Variants in IMMP2L observed in about 807,000 individuals in gnomAD.
IMMP2L encodes mitochondrial inner membrane protease subunit 2.
In IMMP2L, 18 loss-of-function variants were observed where a neutral mutation model predicts 19.3. That is an observed-to-expected ratio of 0.93 (90% CI 0.64 to 1.38). The LOEUF is 1.38. Among genes scored for constraint, IMMP2L ranks in the 40% most tolerant of loss-of-function variants. The pLI, the probability that IMMP2L is intolerant of heterozygous loss-of-function variation, is 0.00. For missense variants in IMMP2L, 233 were observed against 218.2 expected, an observed-to-expected ratio of 1.07 and a Z score of -0.43; for synonymous variants, 76 against 73.0, an observed-to-expected ratio of 1.04 and a Z score of -0.21.
intron 3 of IMMP2L, among the ~76,000 whole-genome samples, chr7:111,462,234 C>A (rs1232042054): frequency 6.6e-6 from 1 of 151,988 alleles, no homozygotes; most frequent in Non-Finnish European, 1.5e-5. Flanking sequence ...TAAATAGTCT[C>A]CCAATTGGAT....
chr7:111,300,925 A>G (rs962989686), intron 3 of IMMP2L, among the ~76,000 whole-genome samples: 1 of 152,146 alleles, frequency 6.6e-6, no homozygotes, highest in Non-Finnish European at 1.5e-5. Flanking sequence ...TTGTTGGAAC[A>G]TAAGTTTTCA....
In IMMP2L at chr7:110,756,981, G is replaced by T. The variant is rs538030533; in HGVS notation, c.409-93260C>A. On this transcript the variant is annotated intron_variant, in intron 5 of 5. Coordinates refer to ENST00000405709, the MANE Select transcript of IMMP2L (RefSeq NM_032549.4). ...TTGTATGTATTTATACATATTTATT[G>T]TATTTACTATGTGCCAGGGAGTGTC... Among the ~76,000 whole-genome samples, 7 of 152,020 alleles carry T rather than the reference G, an allele frequency of 4.6e-5. No individual in the cohort carries two copies. In the South Asian group the frequency reaches 6.2e-4, roughly 14 times the overall value.
chr7:111,273,796 T>A (rs1300459922), intron 3 of IMMP2L, among the ~76,000 whole-genome samples: 1 of 152,130 alleles, frequency 6.6e-6, no homozygotes, highest in Non-Finnish European at 1.5e-5. Context: ...TAATTATGTT[T>A]GGCTGGAGCA....
At chr7:111,072,842 G>GCAGC (rs2129575523) in intron 3 of IMMP2L, among the ~76,000 whole-genome samples, 1 of 150,874 alleles carries the variant, frequency 6.6e-6, no homozygotes, top group African/African-American at 2.4e-5. Flanking sequence ...AGCGGAGCTT[G>GCAGC]CAGCGAGCCA....
At chr7:110,966,203 T>C (rs185884689) in intron 3 of IMMP2L, among the ~76,000 whole-genome samples, 81 of 152,130 alleles carry the variant, frequency 5.3e-4, no homozygotes, top group Non-Finnish European at 8.4e-4. Context: ...ACATCTGTAA[T>C]AGCAGAGAGA....
At chr7:111,100,139 A>T (rs1416994886) in intron 3 of IMMP2L, among the ~76,000 whole-genome samples, 1 of 151,514 alleles carries the variant, frequency 6.6e-6, no homozygotes, top group African/African-American at 2.4e-5. Flanking sequence ...TCTTTTTTTT[A>T]AATTTCAATA....
chr7:110,857,944 G>A (rs895722396), intron 5 of IMMP2L, among the ~76,000 whole-genome samples: 11 of 152,026 alleles, frequency 7.2e-5, no homozygotes, highest in South Asian at 2.1e-4. Context: ...ATATACATTC[G>A]CTTTTCTGAT....
At chr7:111,242,965 T>C (rs1394665136) in intron 3 of IMMP2L, among the ~76,000 whole-genome samples, 4 of 152,156 alleles carry the variant, frequency 2.6e-5, no homozygotes, top group Admixed American at 2.6e-4. Context: ...TAAGTTGTAT[T>C]TTACCAGGGA....
At chr7:111,241,894 A>G (rs1562961635) in intron 3 of IMMP2L, among the ~76,000 whole-genome samples, 1 of 152,024 alleles carries the variant, frequency 6.6e-6, no homozygotes, top group Non-Finnish European at 1.5e-5. Context: ...ATTTGCAGGT[A>G]TTGCTACGGT....
intron 5 of IMMP2L, among the ~76,000 whole-genome samples, chr7:110,786,526 C>T (rs1166423654): frequency 6.6e-6 from 1 of 151,968 alleles, no homozygotes; most frequent in Admixed American, 6.6e-5. Context: ...AGGAGATGGA[C>T]TGGCACTCAC....
At chr7:110,904,332 A>G (rs756903680) in intron 4 of IMMP2L, among the ~76,000 whole-genome samples, 4 of 152,096 alleles carry the variant, frequency 2.6e-5, no homozygotes, top group Non-Finnish European at 4.4e-5. Flanking sequence ...TGCCAAGACC[A>G]ATGTCATGAA....
At chr7:111,220,849 G>A (rs371235588) in intron 3 of IMMP2L, among the ~76,000 whole-genome samples, 2 of 151,902 alleles carry the variant, frequency 1.3e-5, no homozygotes, top group African/African-American at 4.8e-5. Context: ...CAGGGGAACC[G>A]AGGGCAAGAG....
At chr7:111,102,118 C>A (rs1480581680) in intron 3 of IMMP2L, among the ~76,000 whole-genome samples, 1 of 151,108 alleles carries the variant, frequency 6.6e-6, no homozygotes, top group Non-Finnish European at 1.5e-5. Flanking sequence ...TAACAAAATC[C>A]CTATATTGGG....
intron 4 of IMMP2L, among the ~76,000 whole-genome samples, chr7:110,916,000 T>G (rs1813569669): frequency 1.3e-5 from 2 of 152,152 alleles, no homozygotes; most frequent in Non-Finnish European, 2.9e-5. Context: ...AGCCAATACT[T>G]TTCTAACTCT....
intron 3 of IMMP2L, among the ~76,000 whole-genome samples, chr7:111,079,928 T>C (rs1260127027): frequency 6.6e-6 from 1 of 152,158 alleles, no homozygotes; most frequent in Non-Finnish European, 1.5e-5. Flanking sequence ...CTTGCTCTTT[T>C]ACCATGTGAT....
chr7:111,143,909 G>A (rs1803198436), intron 3 of IMMP2L, among the ~76,000 whole-genome samples: 1 of 152,066 alleles, frequency 6.6e-6, no homozygotes, highest in Admixed American at 6.6e-5. Context: ...TCTAACCAAA[G>A]CTTTAAAATG....
chr7:110,939,202 T>G (rs1246950766), intron 4 of IMMP2L, among the ~76,000 whole-genome samples: 1 of 152,146 alleles, frequency 6.6e-6, no homozygotes, highest in Admixed American at 6.6e-5. Context: ...TTAACTGGTC[T>G]GAAATGGGAC....
chr7:110,818,928 G>A (rs578147817), intron 5 of IMMP2L, among the ~76,000 whole-genome samples: 3 of 135,648 alleles, frequency 2.2e-5, no homozygotes, highest in Admixed American at 8.3e-5. Context: ...CATGGACACA[G>A]GAAGGGGAAC....
chr7:111,425,111 T>C (rs1835937917), intron 3 of IMMP2L, among the ~76,000 whole-genome samples: 1 of 151,838 alleles, frequency 6.6e-6, no homozygotes, highest in South Asian at 2.1e-4. Flanking sequence ...TAGATGTAAA[T>C]GTTTATTTAG....
Sources: allele counts gnomAD v4.1 joint callset (sites outside exome capture counted in the v4.1 genomes callset), GRCh38; gene constraint gnomAD v4.1.1; transcripts MANE v1.5; gene names NCBI Gene and HGNC (gene_info 2026-07-23, HGNC 2026-07-21).